Variants in KMT2A observed in about 807,000 individuals in gnomAD.
KMT2A encodes the protein histone-lysine N-methyltransferase 2A.
Under a neutral mutation model 345.3 loss-of-function variants are expected in KMT2A, and 16 were observed. The ratio of observed to expected loss-of-function variants is 0.05; its 90% CI spans 0.03 to 0.07. The LOEUF (loss-of-function observed/expected upper bound fraction) is 0.07. Ranked by LOEUF, KMT2A falls within the 10% of genes least tolerant of loss-of-function variation. The pLI is 1.00. For missense variants in KMT2A, 3,272 were observed against 4,841.6 expected (o/e 0.68, Z 9.62); for synonymous variants, 1,599 against 1,778.6 (o/e 0.90, Z 2.54).
rs374545538 is a variant in KMT2A at position 118,473,134 on chromosome 11, G to C, written c.1975G>C (p.Glu659Gln). 5.0e-6 allele frequency: 8 copies of C among 1,614,060 alleles called. No homozygotes were observed. Among genetic ancestry groups the C allele is most frequent in the Non-Finnish European group, 6.8e-6 (8 of 1,180,030 alleles). The stretch of plus-strand genomic sequence containing the variant: ...TTTCCGACCCCCTCCACTAACTCCC[G>C]AGGACGTTGGCTTTGCATCTGGTTT... ...DNFRPPPLTP[E>Q]DVGFASGFSA... is the part of the protein sequence containing the mutation. Residue 659 changes from glutamate to glutamine, a missense_variant, in exon 3 of 36, where the codon GAG (glutamate) becomes CAG (glutamine). By Grantham distance (29) the Glu-to-Gln change is conservative. Around this residue, in one of 27 missense-constraint regions of KMT2A, gnomAD observed 114 missense variants for 203.2 expected, o/e 0.56. Coordinates refer to ENST00000534358, the MANE Select transcript of KMT2A (RefSeq NM_001197104.2). This position sits in a 1 kb window ranked among gnomAD's most constrained non-coding sequence, Gnocchi z 5.2.
At chr11:118,479,979 T>C (rs1167618062) in intron 5 of KMT2A, among the ~76,000 whole-genome samples, 195 bp from the exon 6 acceptor site, 4 of 152,216 alleles carry the variant, frequency 2.6e-5, no homozygotes, top group African/African-American at 9.6e-5. Flanking sequence ...TTTTAGATCC[T>C]AAAGGTAGGT....
Position 118,484,771 on chromosome 11 carries a change from T to A in KMT2A, c.4219-91T>A. The A allele has an allele frequency of 1.2e-6, 1 of 828,878 alleles. No homozygotes were observed. The highest frequency in any genetic ancestry group is 1.5e-5 in the South Asian group (1 of 68,674). The allele number at this position is 828,878 out of a possible 1,614,324, so 51.3% of individuals were successfully genotyped here. A position where few individuals can be genotyped will look rare whatever the true frequency, so the allele number is the denominator to read the frequency against. On this transcript the variant is annotated intron_variant, in intron 9 of 35. Transcript: ENST00000534358. The surrounding 1 kb of genome is among the most constrained non-coding windows in gnomAD (Gnocchi z 4.1). ...GAAATGAAATACTCTGACATTGTGA[T>A]GTCACACTAATTTTATGCTTTTCAT...
chr11:118,473,888 G>C lies in KMT2A; in HGVS notation c.2729G>C (p.Arg910Thr), dbSNP rs781864198. The change falls in exon 3 of 36, where the codon AGG becomes ACG. Residue 910 changes from arginine to threonine, a missense_variant. Around this residue, in one of 27 missense-constraint regions of KMT2A, gnomAD observed 209 missense variants for 237.4 expected, o/e 0.88. Coordinates refer to ENST00000534358, the MANE Select transcript of KMT2A (RefSeq NM_001197104.2). This position sits in a 1 kb window ranked among gnomAD's most constrained non-coding sequence, Gnocchi z 5.2. ...AGTTCTGCTTTGTATCCTGTGGGTA[G>C]GGTTTCCAAAGAGAAGGTTGTTGGT... ...QSSSALYPVG[R>T]VSKEKVVGED... 3 of 1,614,168 alleles carry C rather than the reference G, an allele frequency of 1.9e-6. No individual in the cohort carries two copies. Among genetic ancestry groups the C allele is most frequent in the Non-Finnish European group, 2.5e-6 (3 of 1,180,030 alleles).
chr11:118,462,206 T>G (rs1949757642), intron 1 of KMT2A, among the ~76,000 whole-genome samples: 1 of 152,114 alleles, frequency 6.6e-6, no homozygotes, highest in Admixed American at 6.6e-5. Context: ...CACCCATCTC[T>G]ACCTTCCAAA....
rs1555036645 is a variant in KMT2A at position 118,473,764 on chromosome 11, G to A, written c.2605G>A (p.Glu869Lys). The change falls in exon 3 of 36, where the codon GAG becomes AAG. Residue 869 changes from glutamate (E) to lysine (K), a missense_variant. This residue lies in a region of KMT2A where 209 missense variants were observed against 237.4 expected (regional missense o/e 0.88). Transcript: ENST00000534358. This position sits in a 1 kb window ranked among gnomAD's most constrained non-coding sequence, Gnocchi z 5.2. ...SKDRDADKSV[E>K]KDKSRERDRE... Reference sequence around the variant, plus strand: ...AGATCGAGATGCTGACAAGAGCGTGGAGAAGGACAAGAGTAGAGAGAGAGA... The same window carrying A: ...AGATCGAGATGCTGACAAGAGCGTGAAGAAGGACAAGAGTAGAGAGAGAGA... 6.2e-7 allele frequency: 1 copy of A among 1,613,994 alleles called. No homozygotes were observed. The highest frequency in any genetic ancestry group is 8.5e-7 in the Non-Finnish European group (1 of 1,179,922).
intron 6 of KMT2A, 133 bp from the exon 7 acceptor site, chr11:118,481,582 G>C: frequency 1.1e-6 from 1 of 918,764 alleles, no homozygotes; most frequent in Non-Finnish European, 1.6e-6. Context: ...ATATCTCTTT[G>C]ATATACTGAT....
intron 1 of KMT2A, among the ~76,000 whole-genome samples, chr11:118,454,684 AATTGTAAGTCAGACC>A (rs1333194884): frequency 6.6e-6 from 1 of 152,204 alleles, no homozygotes; most frequent in Non-Finnish European, 1.5e-5. Flanking sequence ...TAAAGTCAAA[AATTGTAAGTCAGACC>A]ATTGTAAGTC....
At position 118,504,352 on chromosome 11, in the gene KMT2A, C is replaced by G. The variant is rs1406927857; in HGVS notation, c.8460C>G (p.Asp2820Glu). 6.2e-7 allele frequency: 1 copy of G among 1,614,050 alleles called. No homozygotes were observed. Among genetic ancestry groups the G allele is most frequent in the African/African-American group, 1.3e-5 (1 of 74,916 alleles). The change falls in exon 27 of 36, where the codon GAC becomes GAG. Residue 2820 changes from aspartate to glutamate, a missense_variant. Transcript: ENST00000534358. The surrounding 1 kb of genome is among the most constrained non-coding windows in gnomAD (Gnocchi z 6.4). Reference sequence around the variant, plus strand: ...GAGTCCACACAAGTACCCCCTCCGACAAAAATTTACTGGACACCTATAATA... The same window carrying G: ...GAGTCCACACAAGTACCCCCTCCGAGAAAAATTTACTGGACACCTATAATA... The part of the protein sequence containing the change: ...SRRVHTSTPS[D>E]KNLLDTYNTE...
rs9332855 is a variant in KMT2A, at chr11:118,512,089, G to A, written c.11146+64G>A. 2,574 of 1,451,828 alleles carry A rather than the reference G, an allele frequency of 1.8e-3. 42 individuals carry two copies. The African/African-American group carries it at 0.032, about 18-fold the overall frequency. 89.9% of individuals were successfully genotyped at this position (1,451,828 alleles called of 1,614,324 possible). ...TATTATGGTAAATTGTTCGCCTAAG[G>A]CAGAGTTGATTCTGTGAAAAAAAAA... On this transcript the variant is annotated intron_variant, in intron 31 of 35. Transcript: ENST00000534358.
intron 31 of KMT2A, 53 bp from the exon 32 acceptor site, chr11:118,519,565 C>G: frequency 5.9e-6 from 9 of 1,519,102 alleles, no homozygotes; most frequent in Non-Finnish European, 9.1e-7. Flanking sequence ...TAGGACCATG[C>G]TGTTTCCTGT....
In KMT2A at chr11:118,498,029, T is replaced by C; in HGVS notation, c.5758T>C (p.Ser1920Pro). Reference protein sequence around the residue: ...SAEVFEDDDGSLKNVHMAVIR... With the variant: ...SAEVFEDDDGPLKNVHMAVIR... Reference sequence around the variant, plus strand: ...GGAAGTGTTTGAAGATGATGACGGATCACTAAAGAATGTGCATATGGCTGT... The same window carrying C: ...GGAAGTGTTTGAAGATGATGACGGACCACTAAAGAATGTGCATATGGCTGT... Residue 1920 changes from serine (S) to proline (P), a missense_variant, in exon 21 of 36, where the codon TCA becomes CCA. This residue lies in a region of KMT2A where 235 missense variants were observed against 503.4 expected (regional missense o/e 0.47). Coordinates refer to ENST00000534358, the MANE Select transcript of KMT2A (RefSeq NM_001197104.2). The surrounding 1 kb of genome is among the most constrained non-coding windows in gnomAD (Gnocchi z 4.4). 6.2e-7 allele frequency: 1 copy of C among 1,614,142 alleles called. No individual in the cohort carries two copies. Among genetic ancestry groups the C allele is most frequent in the Non-Finnish European group, 8.5e-7 (1 of 1,180,006 alleles).
intron 30 of KMT2A, 39 bp from the exon 31 acceptor site, chr11:118,511,912 A>T: frequency 6.5e-7 from 1 of 1,549,994 alleles, no homozygotes; most frequent in African/African-American, 1.4e-5. Context: ...GTTTACGTGC[A>T]TATTTTCTGG....
intron 1 of KMT2A, among the ~76,000 whole-genome samples, chr11:118,466,982 C>T (rs1949856018): frequency 6.6e-6 from 1 of 151,674 alleles, no homozygotes; most frequent in Non-Finnish European, 1.5e-5. Context: ...TCACTTGAGA[C>T]CAGGAATTAA....
rs1950354505 is a variant in KMT2A at position 118,493,332 on chromosome 11, T to C, written c.5178+102T>C. ...TATAAGTAAATTTAAAAATGAATTG[T>C]ATTATATTTAGAAATGTCACGTGGC... On this transcript the variant is annotated intron_variant, in intron 16 of 35. Transcript: ENST00000534358. This position sits in a 1 kb window ranked among gnomAD's most constrained non-coding sequence, Gnocchi z 5.8. 3 of 890,002 alleles carry C rather than the reference T, an allele frequency of 3.4e-6. No individual in the cohort carries two copies. The Admixed American group carries it at 8.1e-5, about 24-fold the overall frequency. 55.1% of individuals were successfully genotyped at this position (890,002 alleles called of 1,614,324 possible). A position where few individuals can be genotyped will look rare whatever the true frequency, so the allele number is the denominator to read the frequency against.
intron 1 of KMT2A, chr11:118,439,041 A>T (rs1555139492): frequency 1.9e-6 from 1 of 514,018 alleles, no homozygotes; most frequent in Non-Finnish European, 3.9e-6. Flanking sequence ...CACAGATCCC[A>T]TGTAGTTGGA....
Position 118,494,829 on chromosome 11 carries a change from A to G in KMT2A, c.5363+62A>G. On this transcript the variant is annotated intron_variant, in intron 18 of 35. Coordinates refer to ENST00000534358, the MANE Select transcript of KMT2A (RefSeq NM_001197104.2). This position sits in a 1 kb window ranked among gnomAD's most constrained non-coding sequence, Gnocchi z 5.8. ...CGGCTAGAAATCTGAGAGTTCTCAT[A>G]TTTCTAGATTGCAGTTTTCCAAAAG... 1 of 1,303,842 alleles carries G rather than the reference A, an allele frequency of 7.7e-7. No individual in the cohort carries two copies. Among genetic ancestry groups the G allele is most frequent in the South Asian group, 1.2e-5 (1 of 80,572 alleles). 80.8% of individuals were successfully genotyped at this position (1,303,842 alleles called of 1,614,324 possible). A position where few individuals can be genotyped will look rare whatever the true frequency, so the allele number is the denominator to read the frequency against.
chr11:118,517,123 C>T (rs963906151), intron 31 of KMT2A, among the ~76,000 whole-genome samples: 116 of 151,818 alleles, frequency 7.6e-4, no homozygotes, highest in African/African-American at 2.7e-3. Context: ...CAGCTGGGCG[C>T]GGTGGCTCAC....
intron 4 of KMT2A, 51 bp from the exon 5 acceptor site, chr11:118,477,916 C>T: frequency 1.1e-5 from 14 of 1,326,142 alleles, no homozygotes; most frequent in South Asian, 6.6e-5. Context: ...CAATTAAAAC[C>T]AGGTTTGAAT....
chr11:118,504,915 C>T lies in KMT2A; in HGVS notation c.9023C>T (p.Ser3008Phe). The T allele has an allele frequency of 6.2e-7, 1 of 1,614,234 alleles. No homozygotes were observed. Among genetic ancestry groups the T allele is most frequent in the Non-Finnish European group, 8.5e-7 (1 of 1,180,046 alleles). The part of the protein sequence containing the change: ...IQGHMDADHI[S>F]SPPCGSVEQG... ...GGACACATGGATGCAGACCACATCT[C>T]TAGCCCTCCTTGTGGTTCAGTAGAG... The change falls in exon 27 of 36, where the codon TCT becomes TTT. Residue 3008 changes from serine (S) to phenylalanine (F), a missense_variant. Around this residue, in one of 27 missense-constraint regions of KMT2A, gnomAD observed 748 missense variants for 922.2 expected, o/e 0.81. Transcript: ENST00000534358. The surrounding 1 kb of genome is among the most constrained non-coding windows in gnomAD (Gnocchi z 6.4).
Sources: allele counts gnomAD v4.1 joint callset (sites outside exome capture counted in the v4.1 genomes callset), GRCh38; gene constraint gnomAD v4.1.1; regional missense constraint gnomAD v4.1.1; non-coding constraint Gnocchi (gnomAD v3.1); transcripts MANE v1.5; gene names NCBI Gene and HGNC (gene_info 2026-07-23, HGNC 2026-07-21).